Variants in CPLX1 observed in about 807,000 individuals in gnomAD.
The protein encoded by CPLX1 is complexin 1, also known as complexin-1.
Under a neutral mutation model 15.6 loss-of-function variants are expected in CPLX1, and 6 were observed. The ratio of observed to expected loss-of-function variants is 0.39; its 90% CI spans 0.21 to 0.76. The LOEUF (loss-of-function observed/expected upper bound fraction) is 0.76, where lower values mean the gene tolerates loss of function less well. CPLX1 is among the 30% of genes least tolerant of loss of function. CPLX1 has a pLI of 0.43. For missense variants in CPLX1, 242 were observed against 188.6 expected (o/e 1.28, Z -1.66); for synonymous variants, 91 against 75.2 (o/e 1.21, Z -1.08).
rs1459750275 is a variant in CPLX1 at position 786,146 on chromosome 4, G to A, written c.*355C>T. 1.2e-5 allele frequency: 2 copies of A among 170,946 alleles called. No individual in the cohort carries two copies. Among genetic ancestry groups the A allele is most frequent in the African/African-American group, 2.4e-5 (1 of 42,184 alleles). The allele number at this position is 170,946 out of a possible 1,614,324, so 10.6% of individuals were successfully genotyped here. On this transcript the variant is annotated 3_prime_UTR_variant, in exon 4 of 4. Transcript: ENST00000304062. Reference sequence around the variant, plus strand: ...TGCTATGGCTGTGCTCCTGAGTGCGGGCCCGACAGGCGCCCACCGCCGCGA... The same window carrying A: ...TGCTATGGCTGTGCTCCTGAGTGCGAGCCCGACAGGCGCCCACCGCCGCGA...
intron 3 of CPLX1, chr4:787,939 C>T: frequency 1.0e-6 from 1 of 985,366 alleles, no homozygotes; most frequent in Non-Finnish European, 1.2e-6. Context: ...GACTTCCATC[C>T]CCTGAACAGG....
At chr4:824,271 C>T (rs1746931269) in intron 2 of CPLX1, among the ~76,000 whole-genome samples, 2 of 152,256 alleles carry the variant, frequency 1.3e-5, no homozygotes, top group Admixed American at 1.3e-4. Context: ...GCCCCTGTCC[C>T]GCCAGGAACA....
chr4:810,331 G>A (rs1362656723), intron 2 of CPLX1, among the ~76,000 whole-genome samples: 1 of 152,056 alleles, frequency 6.6e-6, no homozygotes. Flanking sequence ...TTACAGGCGT[G>A]AGCCACCACG....
At chr4:803,566 ATT>A (rs370509722) in intron 2 of CPLX1, among the ~76,000 whole-genome samples, 1 of 132,320 alleles carries the variant, frequency 7.6e-6, no homozygotes. Context: ...AATTTTTTGT[ATT>A]TTTTTTTTTT....
intron 2 of CPLX1, among the ~76,000 whole-genome samples, chr4:813,532 AC>A (rs971694355): frequency 1.4e-4 from 22 of 152,218 alleles, no homozygotes; most frequent in Middle Eastern, 3.4e-3. Context: ...TGGGCCCACC[AC>A]CCACGTGGCA....
intron 2 of CPLX1, among the ~76,000 whole-genome samples, chr4:818,915 G>A (rs759094198): frequency 2.0e-5 from 3 of 152,220 alleles, no homozygotes; most frequent in African/African-American, 4.8e-5. Flanking sequence ...CCGGGGGACC[G>A]CCTAGTGGAA....
At chr4:797,473 G>A (rs572231745) in intron 2 of CPLX1, among the ~76,000 whole-genome samples, 69 of 152,260 alleles carry the variant, frequency 4.5e-4, no homozygotes, top group African/African-American at 1.4e-3. Context: ...GATTACAGGC[G>A]TCTGCCACCA....
intron 3 of CPLX1, chr4:787,922 G>A (rs1282771060): frequency 4.1e-6 from 4 of 985,238 alleles, no homozygotes; most frequent in Non-Finnish European, 4.8e-6. Flanking sequence ...GGTGTTGTAC[G>A]GAGCTGGACT....
chr4:786,524 G>T lies in CPLX1; in HGVS notation c.382C>A (p.Leu128Met), dbSNP rs371709824. The T allele has an allele frequency of 7.3e-5, 116 of 1,599,682 alleles. No individual in the cohort carries two copies. Among genetic ancestry groups the T allele is most frequent in the Non-Finnish European group, 2.7e-5 (32 of 1,173,252 alleles). ...DTVIKYLPGP[L>M]QDMLKK Reference sequence around the variant, plus strand: ...GGCTACTTCTTGAGCATGTCCTGCAGCGGCCCGGGCAGGTACTTGATGACG... The same window carrying T: ...GGCTACTTCTTGAGCATGTCCTGCATCGGCCCGGGCAGGTACTTGATGACG... Residue 128 changes from leucine (L) to methionine (M), a missense_variant, in exon 4 of 4, where the codon CTG (leucine) becomes ATG (methionine). By Grantham distance (15) the Leu-to-Met change is conservative. Coordinates refer to ENST00000304062, the MANE Select transcript of CPLX1 (RefSeq NM_006651.4).
At chr4:795,777 G>C (rs1454866877) in intron 2 of CPLX1, among the ~76,000 whole-genome samples, 1 of 145,988 alleles carries the variant, frequency 6.8e-6, no homozygotes, top group African/African-American at 2.6e-5. Context: ...CCACCCGGGA[G>C]CTCGCCCCAA....
rs1202574573 is a variant in CPLX1, at chr4:786,621, C to G, written c.285G>C (p.Thr95=). The G allele has an allele frequency of 6.2e-7, 1 of 1,612,612 alleles. No homozygotes were observed. The highest frequency in any genetic ancestry group is 8.5e-7 in the Non-Finnish European group (1 of 1,179,464). Residue 95 remains threonine (T), a synonymous_variant, in exon 4 of 4, where the codon ACG becomes ACC. Coordinates refer to ENST00000304062, the MANE Select transcript of CPLX1 (RefSeq NM_006651.4). The stretch of plus-strand genomic sequence containing the variant: ...CCGGCGGGATGGCCTTCTTGGGCCG[C>G]GTCAAGCTCCCCTCGGAGTTGGCCT... ...AMEANSEGSL[T]RPKKAIPPGC...
Position 794,546 on chromosome 4 carries a change from C to A in CPLX1, c.32-1938G>T, listed in dbSNP as rs1664197776. Among the ~76,000 whole-genome samples, 8 of 152,192 alleles carry A rather than the reference C, an allele frequency of 5.3e-5. No individual in the cohort carries two copies. The South Asian group carries it at 1.7e-3, about 32-fold the overall frequency. ...GTTGCTCCTGGATTCTTCTAACAGT[C>A]CCCAGTCATTGGACCAAAATCTCTC... On this transcript the variant is annotated intron_variant, in intron 2 of 3. Coordinates refer to ENST00000304062, the MANE Select transcript of CPLX1 (RefSeq NM_006651.4).
rs550128401 is a variant in CPLX1 at position 785,356 on chromosome 4, G to A, written c.*1145C>T. On this transcript the variant is annotated 3_prime_UTR_variant, in exon 4 of 4. Coordinates refer to ENST00000304062, the MANE Select transcript of CPLX1 (RefSeq NM_006651.4). ...AACGTTATGGCTTCTCTAAAGCTAT[G>A]TAAGGTCATGAAGGTCAATGCCAAG... 2.0e-5 allele frequency: 3 copies of A among 152,530 alleles called. No homozygotes were observed. The highest frequency in any genetic ancestry group is 4.4e-5 in the Non-Finnish European group (3 of 68,048). The allele number at this position is 152,530 out of a possible 1,614,324, so 9.4% of individuals were successfully genotyped here. A position where few individuals can be genotyped will look rare whatever the true frequency, so the allele number is the denominator to read the frequency against.
chr4:794,248 G>GCGC (rs1746268862), intron 2 of CPLX1, among the ~76,000 whole-genome samples: 1 of 152,236 alleles, frequency 6.6e-6, no homozygotes, highest in Non-Finnish European at 1.5e-5. Context: ...CATCCTGCAG[G>GCGC]CGCCGCCGAC....
intron 2 of CPLX1, among the ~76,000 whole-genome samples, chr4:813,377 T>C (rs950127602): frequency 6.6e-6 from 1 of 150,996 alleles, no homozygotes; most frequent in African/African-American, 2.4e-5. Flanking sequence ...GGAAAGCAGG[T>C]GCACGGATGG....
At chr4:798,475 A>G (rs1746388855) in intron 2 of CPLX1, among the ~76,000 whole-genome samples, 1 of 152,154 alleles carries the variant, frequency 6.6e-6, no homozygotes, top group African/African-American at 2.4e-5. Context: ...GCAGAGGCTC[A>G]ATCATAGCTC....
At chr4:806,035 C>A (rs1247760669) in intron 2 of CPLX1, among the ~76,000 whole-genome samples, 2 of 152,104 alleles carry the variant, frequency 1.3e-5, no homozygotes, top group Non-Finnish European at 2.9e-5. Context: ...GTGTTAGTTG[C>A]ACAACATTGT....
intron 2 of CPLX1, among the ~76,000 whole-genome samples, chr4:813,303 T>C (rs1746696404): frequency 1.3e-5 from 2 of 150,918 alleles, no homozygotes; most frequent in Non-Finnish European, 1.5e-5. Context: ...AATAGTATAA[T>C]TTCACAAGAA....
chr4:822,207 T>G (rs1169889477), intron 2 of CPLX1, among the ~76,000 whole-genome samples: 1 of 151,284 alleles, frequency 6.6e-6, no homozygotes, highest in East Asian at 1.9e-4. Flanking sequence ...TGTCTCCATC[T>G]CTATCTCTCT....
Sources: gnomAD v4.1 joint callset for allele counts (sites outside exome capture counted in the v4.1 genomes callset) on GRCh38, gnomAD v4.1.1 for gene constraint, MANE v1.5 for transcripts, NCBI Gene and HGNC (gene_info 2026-07-23, HGNC 2026-07-21) for gene names.